CFDP1: variants seen among roughly 807,000 people sequenced by gnomAD.
The protein encoded by CFDP1 is heterochromatin-stabilizing protein CFDP1.
A neutral mutation model predicts 40.1 loss-of-function variants in CFDP1; 31 were observed. The ratio of observed to expected loss-of-function variants is 0.77; its 90% CI spans 0.58 to 1.04. The LOEUF (loss-of-function observed/expected upper bound fraction) is 1.04. CFDP1 is among the 50% of genes least tolerant of loss of function. The pLI, the probability that CFDP1 is intolerant of heterozygous loss-of-function variation, is 0.00. For synonymous variants in CFDP1, 167 were observed against 120.0 expected (o/e 1.39, Z -2.56); for missense variants, 423 against 343.4 (o/e 1.23, Z -1.83).
chr16:75,328,245 A>G lies in CFDP1; in HGVS notation c.651-23063T>C, dbSNP rs557740379. ...GCAATCCTCCTGCCTTGACCTCCCA[A>G]AGCACTGGGATTATAGGCGTGAGCC... On this transcript the variant is annotated intron_variant, in intron 5 of 6. Coordinates refer to ENST00000283882, the MANE Select transcript of CFDP1 (RefSeq NM_006324.3). Among the ~76,000 whole-genome samples, 4 of 151,014 alleles carry G rather than the reference A, an allele frequency of 2.6e-5. No homozygotes were observed. In the East Asian group the frequency reaches 6.0e-4, roughly 23 times the overall value.
rs146824267 is a variant in CFDP1, at chr16:75,349,698, T to TATATACAC, written c.651-44517_651-44516insGTGTATAT. On this transcript the variant is annotated intron_variant, in intron 5 of 6. Coordinates refer to ENST00000283882, the MANE Select transcript of CFDP1 (RefSeq NM_006324.3). ...AAAAAAAAAAAAAAAAAAATATATATACATACATATATACGGTTGATTTTT... is the reference window on the plus strand; with the variant it reads ...AAAAAAAAAAAAAAAAAAATATATATATATACACACATACATATATACGGTTGATTTTT... Among the ~76,000 whole-genome samples the TATATACAC allele has an allele frequency of 4.4e-4, 21 of 47,898 alleles. 1 individual carries two copies. The highest frequency in any genetic ancestry group is 1.6e-3 in the African/African-American group (15 of 9,170). 31.4% of individuals were successfully genotyped at this position (47,898 alleles called of 152,430 possible). A position where few individuals can be genotyped will look rare whatever the true frequency, so the allele number is the denominator to read the frequency against.
intron 1 of CFDP1, among the ~76,000 whole-genome samples, chr16:75,420,802 C>T (rs1338411967): frequency 6.6e-6 from 1 of 152,120 alleles, no homozygotes; most frequent in Non-Finnish European, 1.5e-5. Context: ...AGTGAGTTTT[C>T]ACTAAAGGAT....
chr16:75,305,252 G>T, intron 5 of CFDP1, 70 bp from the exon 6 acceptor site: 2 of 1,491,256 alleles, frequency 1.3e-6, no homozygotes, highest in Non-Finnish European at 1.8e-6. Context: ...TTTTTCTGAT[G>T]CAAATGGGAA....
intron 5 of CFDP1, among the ~76,000 whole-genome samples, chr16:75,328,889 C>A (rs35952313): frequency 2.0e-5 from 3 of 146,648 alleles, no homozygotes; most frequent in Non-Finnish European, 4.5e-5. Context: ...TCTTGTTGCC[C>A]AGGCTGGAAT....
intron 2 of CFDP1, 32 bp from the exon 3 acceptor site, chr16:75,412,786 G>C (rs370273031): frequency 8.3e-6 from 13 of 1,565,296 alleles, no homozygotes; most frequent in African/African-American, 1.4e-5. Context: ...AAAAAGGAAA[G>C]ACAGCACAAA....
At position 75,433,395 on chromosome 16, in the gene CFDP1, A is replaced by G; in HGVS notation, c.-43T>C. On this transcript the variant is annotated 5_prime_UTR_variant, in exon 1 of 7. Transcript: ENST00000283882. Reference sequence around the variant, plus strand: ...CTGGTCAAACTCACAAGACCGCAGCAGCCGCCTCCAACGGCAAAGCTCTAG... The same window carrying G: ...CTGGTCAAACTCACAAGACCGCAGCGGCCGCCTCCAACGGCAAAGCTCTAG... The G allele has an allele frequency of 6.4e-7, 1 of 1,553,218 alleles. No homozygotes were observed. Among genetic ancestry groups the G allele is most frequent in the African/African-American group, 1.4e-5 (1 of 73,578 alleles).
chr16:75,422,733 C>T (rs247423), intron 1 of CFDP1, among the ~76,000 whole-genome samples: 12 of 150,526 alleles, frequency 8.0e-5, no homozygotes, highest in Non-Finnish European at 1.3e-4. Flanking sequence ...AAAAAAAACA[C>T]GTTTTTAGAG....
chr16:75,320,864 G>C (rs1350342897), intron 5 of CFDP1, among the ~76,000 whole-genome samples: 1 of 152,348 alleles, frequency 6.6e-6, no homozygotes, highest in East Asian at 1.9e-4. Flanking sequence ...CCAAGGAATA[G>C]TTTCCCTCTA....
At chr16:75,369,223 T>A (rs1444413050) in intron 5 of CFDP1, among the ~76,000 whole-genome samples, 1 of 152,094 alleles carries the variant, frequency 6.6e-6, no homozygotes, top group African/African-American at 2.4e-5. Context: ...GAGAAATTAT[T>A]TTTATTTAGG....
At chr16:75,336,416 G>A (rs971415216) in intron 5 of CFDP1, among the ~76,000 whole-genome samples, 3 of 152,230 alleles carry the variant, frequency 2.0e-5, no homozygotes, top group Non-Finnish European at 4.4e-5. Flanking sequence ...CAAGAACATT[G>A]TAAGCAGCAA....
intron 5 of CFDP1, among the ~76,000 whole-genome samples, chr16:75,358,202 A>G (rs539200774): frequency 1.3e-5 from 2 of 152,360 alleles, no homozygotes; most frequent in Admixed American, 6.5e-5. Context: ...GGACAGAGAC[A>G]TGAAGTAAAT....
chr16:75,415,939 G>C (rs900692751), intron 1 of CFDP1, among the ~76,000 whole-genome samples: 1 of 152,064 alleles, frequency 6.6e-6, no homozygotes, highest in Non-Finnish European at 1.5e-5. Context: ...TACAACCTCT[G>C]CCTCCCAAGT....
At chr16:75,422,836 A>G (rs542682331) in intron 1 of CFDP1, among the ~76,000 whole-genome samples, 1 of 151,474 alleles carries the variant, frequency 6.6e-6, no homozygotes, top group East Asian at 2.0e-4. Flanking sequence ...ACGGAGCAAA[A>G]CCCTGTTTCT....
Position 75,293,920 on chromosome 16 carries a change from G to A in CFDP1, c.*32C>T, listed in dbSNP as rs192988748. ...GCACAAAAAGCTCACATTGTAAACA[G>A]GATTAAGCTGCTCTTGATTTAGCCC... is the stretch of plus-strand genomic sequence containing the variant. On this transcript the variant is annotated 3_prime_UTR_variant, in exon 7 of 7. Transcript: ENST00000283882. 8 of 1,555,318 alleles carry A rather than the reference G, an allele frequency of 5.1e-6. No individual in the cohort carries two copies. The East Asian group carries it at 1.8e-4, about 35-fold the overall frequency.
At chr16:75,432,637 T>C (rs1046168327) in intron 1 of CFDP1, among the ~76,000 whole-genome samples, 1 of 152,164 alleles carries the variant, frequency 6.6e-6, no homozygotes, top group East Asian at 1.9e-4. Flanking sequence ...TTCTTGTTTG[T>C]CTAGTCTTTC....
intron 1 of CFDP1, among the ~76,000 whole-genome samples, chr16:75,420,181 G>A (rs906928598): frequency 6.6e-6 from 1 of 151,486 alleles, no homozygotes. Flanking sequence ...ACTGCCACAG[G>A]GAATACTTTT....
At chr16:75,405,749 C>A (rs1243798844) in intron 4 of CFDP1, among the ~76,000 whole-genome samples, 365 of 100,252 alleles carry the variant, frequency 3.6e-3, no homozygotes, top group Middle Eastern at 6.3e-3. Context: ...GACTCCATCT[C>A]AAAAAAAAAA....
At position 75,396,457 on chromosome 16, in the gene CFDP1, T is replaced by G. The variant is rs1404565839; in HGVS notation, c.531-1248A>C. ...GGGAGGCTGAGGCAGGAGAATTGCCTGAACCCAGGAGGTGGAGGTTGCAGT... is the reference window on the plus strand; with the variant it reads ...GGGAGGCTGAGGCAGGAGAATTGCCGGAACCCAGGAGGTGGAGGTTGCAGT... On this transcript the variant is annotated intron_variant, in intron 4 of 6. Transcript: ENST00000283882. 1.9e-5 allele frequency among the ~76,000 whole-genome samples: 2 copies of G among 103,522 alleles called. 1 individual carries two copies. The highest frequency in any genetic ancestry group is 4.6e-5 in the Non-Finnish European group (2 of 43,240). The allele number at this position is 103,522 out of a possible 152,430, so 67.9% of individuals were successfully genotyped here.
At chr16:75,331,741 C>CT (rs1405271536) in intron 5 of CFDP1, among the ~76,000 whole-genome samples, 2 of 151,854 alleles carry the variant, frequency 1.3e-5, no homozygotes, top group African/African-American at 4.8e-5. Context: ...ATCCATTCTC[C>CT]TATCGATGGA....
Sources: gnomAD v4.1 joint callset for allele counts (sites outside exome capture counted in the v4.1 genomes callset) on GRCh38, gnomAD v4.1.1 for gene constraint, MANE v1.5 for transcripts, NCBI Gene and HGNC (gene_info 2026-07-23, HGNC 2026-07-21) for gene names.